The following DIP2C variants were observed in gnomAD, a reference collection of about 807,000 sequenced individuals.
DIP2C encodes disco-interacting protein 2 homolog C.
A neutral mutation model predicts 192.4 loss-of-function variants in DIP2C; 33 were observed. That is an observed-to-expected ratio of 0.17 (90% CI 0.13 to 0.23). DIP2C has a LOEUF of 0.23. Among genes scored for constraint, DIP2C ranks in the 10% least tolerant of loss-of-function variants. DIP2C has a pLI of 1.00. For synonymous variants in DIP2C, 979 were observed against 864.1 expected, an observed-to-expected ratio of 1.13 and a Z score of -2.33; for missense variants, 1,537 against 2,110.1, an observed-to-expected ratio of 0.73 and a Z score of 5.32.
chr10:424,042 A>G (rs1966400242), intron 4 of DIP2C, among the ~76,000 whole-genome samples: 1 of 152,148 alleles, frequency 6.6e-6, no homozygotes, highest in South Asian at 2.1e-4. Flanking sequence ...ATGCAGTACC[A>G]AGGTTTTTGG....
In DIP2C at chr10:492,348, C is replaced by A. The variant is rs537710861; in HGVS notation, c.86-5818G>T. Among the ~76,000 whole-genome samples, 8 of 152,346 alleles carry A rather than the reference C, an allele frequency of 5.3e-5. No individual in the cohort carries two copies. In the East Asian group the frequency reaches 1.5e-3, roughly 29 times the overall value. On this transcript the variant is annotated intron_variant, in intron 1 of 36. Transcript: ENST00000280886. ...ACCTGGCCCTGCCGCCTTGGCCACC[C>A]GTGCTCTGCCATGGCTCCACCTGCA...
intron 1 of DIP2C, among the ~76,000 whole-genome samples, chr10:521,558 G>A (rs1183791854): frequency 2.0e-5 from 3 of 152,168 alleles, no homozygotes; most frequent in Admixed American, 2.0e-4. Flanking sequence ...CCTGTAAGGG[G>A]AGAAGCCGGT....
intron 1 of DIP2C, among the ~76,000 whole-genome samples, chr10:535,420 C>T (rs578074172): frequency 4.6e-5 from 7 of 152,134 alleles, no homozygotes; most frequent in Admixed American, 3.3e-4. Flanking sequence ...AAATCATCCA[C>T]GTCTAGTACT....
At chr10:541,646 TCCAC>T (rs1265515767) in intron 1 of DIP2C, among the ~76,000 whole-genome samples, 9 of 137,118 alleles carry the variant, frequency 6.6e-5, no homozygotes, top group Non-Finnish European at 1.1e-4. Flanking sequence ...AGCGTGACCC[TCCAC>T]CCGACCACAC....
At chr10:688,814 G>T (rs939604493) in intron 1 of DIP2C, among the ~76,000 whole-genome samples, 1 of 152,248 alleles carries the variant, frequency 6.6e-6, no homozygotes, top group Non-Finnish European at 1.5e-5. Context: ...GGACCAGGAC[G>T]GCAAGGCCGG....
intron 31 of DIP2C, chr10:311,499 A>C: frequency 8.1e-7 from 1 of 1,232,334 alleles, no homozygotes; most frequent in Non-Finnish European, 1.0e-6. Flanking sequence ...GGGGCTGGGC[A>C]GGGAGGCACG....
intron 1 of DIP2C, among the ~76,000 whole-genome samples, chr10:575,303 A>G (rs1202598457): frequency 2.6e-5 from 4 of 152,216 alleles, no homozygotes; most frequent in Admixed American, 6.5e-5. Flanking sequence ...TGCTTTTATA[A>G]AAAGTAAAAT....
At chr10:436,504 C>T (rs1261041012) in intron 4 of DIP2C, among the ~76,000 whole-genome samples, 7 of 151,952 alleles carry the variant, frequency 4.6e-5, no homozygotes, top group Non-Finnish European at 1.0e-4. Context: ...CTCCGAGCTC[C>T]GCCTCCTGGA....
chr10:435,849 A>C (rs1234016931), intron 4 of DIP2C, among the ~76,000 whole-genome samples: 1 of 152,180 alleles, frequency 6.6e-6, no homozygotes, highest in Admixed American at 6.5e-5. Context: ...AAATATTTAT[A>C]ATTGTAGATT....
intron 22 of DIP2C, 69 bp from the exon 23 acceptor site, chr10:358,006 T>A (rs1006997834): frequency 1.7e-6 from 2 of 1,204,754 alleles, no homozygotes; most frequent in African/African-American, 3.0e-5. Context: ...ACCTCCCACT[T>A]TGGTAAAGAC....
intron 31 of DIP2C, among the ~76,000 whole-genome samples, chr10:318,652 C>G (rs1956876231): frequency 6.6e-6 from 1 of 152,194 alleles, no homozygotes; most frequent in Admixed American, 6.5e-5. Flanking sequence ...GTGCAGGATA[C>G]CTGGAATATG....
At chr10:670,264 ACACG>A (rs1451532575) in intron 1 of DIP2C, among the ~76,000 whole-genome samples, 3 of 142,412 alleles carry the variant, frequency 2.1e-5, no homozygotes, top group Admixed American at 6.8e-5. Context: ...ACATGCACAT[ACACG>A]CATGCATATA....
rs200472665 is a variant in DIP2C at position 414,094 on chromosome 10, C to G, written c.876G>C (p.Pro292=). Residue 292 remains proline, a synonymous_variant, in exon 8 of 37, where the codon CCG becomes CCC. Coordinates refer to ENST00000280886, the MANE Select transcript of DIP2C (RefSeq NM_014974.3). Reference sequence around the variant, plus strand: ...GGGCCCCCTCCGGCTTTGGTTGGTTCGGATCCGGTTGTTGAACTAAATCGT... The same window carrying G: ...GGGCCCCCTCCGGCTTTGGTTGGTTGGGATCCGGTTGTTGAACTAAATCGT... ...EELLEVQQPD[P]NQPKPEGAQM... 9.3e-6 allele frequency: 15 copies of G among 1,612,370 alleles called. No individual in the cohort carries two copies. In the East Asian group the frequency reaches 3.3e-4, roughly 36 times the overall value.
intron 1 of DIP2C, among the ~76,000 whole-genome samples, chr10:561,167 T>A (rs1454577087): frequency 6.6e-6 from 1 of 152,172 alleles, no homozygotes; most frequent in Non-Finnish European, 1.5e-5. Context: ...GTTCTTAGTA[T>A]CTCCTGAGGG....
At chr10:281,451 T>A in intron 35 of DIP2C, 128 bp from the exon 36 acceptor site, 1 of 1,321,900 alleles carries the variant, frequency 7.6e-7, no homozygotes, top group Admixed American at 2.8e-5. Flanking sequence ...GGCTCACGGA[T>A]CCAGGGACGT....
chr10:531,208 T>G (rs1847350414), intron 1 of DIP2C, among the ~76,000 whole-genome samples: 1 of 152,106 alleles, frequency 6.6e-6, no homozygotes, highest in Non-Finnish European at 1.5e-5. Flanking sequence ...GCTGTGACTT[T>G]CCCCGTAAAC....
At chr10:383,959 T>G in intron 16 of DIP2C, 68 bp downstream of exon 16, 1 of 1,285,340 alleles carries the variant, frequency 7.8e-7, no homozygotes, top group Non-Finnish European at 9.8e-7. Flanking sequence ...CCTGCCTGCC[T>G]CACGAAAAAA....
intron 1 of DIP2C, among the ~76,000 whole-genome samples, chr10:645,760 T>C (rs1448655387): frequency 6.6e-6 from 1 of 152,194 alleles, no homozygotes. Context: ...ATAACGTTTA[T>C]CTCTGAATGG....
chr10:435,592 G>C (rs1256200996), intron 4 of DIP2C, among the ~76,000 whole-genome samples: 1 of 152,190 alleles, frequency 6.6e-6, no homozygotes, highest in Non-Finnish European at 1.5e-5. Context: ...CACTTCACCT[G>C]TCCACCCTAT....
Sources: allele counts gnomAD v4.1 joint callset (sites outside exome capture counted in the v4.1 genomes callset), GRCh38; gene constraint gnomAD v4.1.1; transcripts MANE v1.5; gene names NCBI Gene and HGNC (gene_info 2026-07-23, HGNC 2026-07-21).